The following CNGA3 variants were observed in gnomAD, a reference collection of about 807,000 sequenced individuals.
CNGA3 encodes the protein cyclic nucleotide gated channel subunit alpha 3, also known as cyclic nucleotide-gated channel alpha-3.
CNGA3 carries 42 observed loss-of-function variants against 46.6 expected under a neutral mutation model. That is an observed-to-expected ratio of 0.90 (90% CI 0.70 to 1.17). The LOEUF (loss-of-function observed/expected upper bound fraction) is 1.17. Among genes scored for constraint, CNGA3 ranks in the 50% most tolerant of loss-of-function variants. The pLI is 0.00. For missense variants in CNGA3, 893 were observed against 890.7 expected (o/e 1.00, Z -0.03); for synonymous variants, 394 against 369.4 (o/e 1.07, Z -0.76).
chr2:98,384,250 A>T (rs1020830268), intron 5 of CNGA3, among the ~76,000 whole-genome samples: 1 of 152,172 alleles, frequency 6.6e-6, no homozygotes, highest in Non-Finnish European at 1.5e-5. Context: ...GAGCAGTGGA[A>T]AAAGGCAATT....
rs186220724 is a variant in CNGA3, at chr2:98,372,146, C to T, written c.101+2070C>T. 1.9e-3 allele frequency among the ~76,000 whole-genome samples: 293 copies of T among 152,344 alleles called. 2 individuals carry two copies. The highest frequency in any genetic ancestry group is 5.2e-3 in the South Asian group (25 of 4,824). On this transcript the variant is annotated intron_variant, in intron 2 of 7. Coordinates refer to ENST00000272602, the MANE Select transcript of CNGA3 (RefSeq NM_001298.3). ...GGCAGTCCTGGTCTGCAGGCTGCTG[C>T]GGCTCCTGCCCACAATGTCTGCCTG... is the stretch of plus-strand genomic sequence containing the variant.
At chr2:98,358,456 C>A (rs1038016848) in intron 1 of CNGA3, among the ~76,000 whole-genome samples, 1 of 151,948 alleles carries the variant, frequency 6.6e-6, no homozygotes, top group Non-Finnish European at 1.5e-5. Context: ...GATGGAAGAA[C>A]AAAGAATCCC....
At chr2:98,390,914 G>A (rs1243506790) in intron 6 of CNGA3, among the ~76,000 whole-genome samples, 1 of 152,230 alleles carries the variant, frequency 6.6e-6, no homozygotes, top group African/African-American at 2.4e-5. Context: ...GGACTGGGAT[G>A]CATGCGAGAG....
At chr2:98,367,787 G>C (rs1692197193) in intron 1 of CNGA3, among the ~76,000 whole-genome samples, 1 of 152,072 alleles carries the variant, frequency 6.6e-6, no homozygotes, top group South Asian at 2.1e-4. Context: ...AGCTAGTTCA[G>C]GCAGTTGTTC....
At chr2:98,392,060 C>A in intron 7 of CNGA3, 90 bp downstream of exon 7, 2 of 1,180,106 alleles carry the variant, frequency 1.7e-6, no homozygotes, top group East Asian at 2.4e-5. Context: ...ATTACCTACC[C>A]TTGACCATGA....
chr2:98,361,299 A>G (rs1692027323), intron 1 of CNGA3, among the ~76,000 whole-genome samples: 1 of 152,024 alleles, frequency 6.6e-6, no homozygotes, highest in Non-Finnish European at 1.5e-5. Flanking sequence ...TCTGCTTCCG[A>G]GTTAGTTTGC....
chr2:98,391,109 C>T (rs1447816371), intron 6 of CNGA3, among the ~76,000 whole-genome samples: 3 of 152,172 alleles, frequency 2.0e-5, no homozygotes, highest in Admixed American at 6.5e-5. Flanking sequence ...TTATGCCGCA[C>T]GTCAGGGATG....
At chr2:98,395,257 C>T (rs1014231520) in intron 7 of CNGA3, among the ~76,000 whole-genome samples, 2 of 152,040 alleles carry the variant, frequency 1.3e-5, no homozygotes, top group Non-Finnish European at 2.9e-5. Context: ...GCACCCTCCA[C>T]CTCCTGGGTT....
chr2:98,392,552 TTC>T (rs1218992273), intron 7 of CNGA3, among the ~76,000 whole-genome samples: 4 of 149,386 alleles, frequency 2.7e-5, no homozygotes, highest in Non-Finnish European at 5.9e-5. Flanking sequence ...CATAGCAACA[TTC>T]TGTCTCAAAA....
chr2:98,380,412 C>T, intron 4 of CNGA3, 58 bp downstream of exon 4: 1 of 1,568,104 alleles, frequency 6.4e-7, no homozygotes, highest in Non-Finnish European at 8.7e-7. Context: ...GGCAGGAAGC[C>T]TGTGCTTTGC....
At chr2:98,383,531 C>T in intron 5 of CNGA3, 90 bp downstream of exon 5, 1 of 1,185,460 alleles carries the variant, frequency 8.4e-7, no homozygotes, top group Non-Finnish European at 1.3e-6. Flanking sequence ...CCTTAGTGCT[C>T]CTGCTCCCCA....
chr2:98,370,716 A>C (rs1692265545), intron 2 of CNGA3, among the ~76,000 whole-genome samples: 1 of 152,220 alleles, frequency 6.6e-6, no homozygotes, highest in Non-Finnish European at 1.5e-5. Context: ...CCATGCCTCA[A>C]TTTCTTCACA....
At chr2:98,393,842 G>A (rs1385171157) in intron 7 of CNGA3, among the ~76,000 whole-genome samples, 1 of 152,018 alleles carries the variant, frequency 6.6e-6, no homozygotes, top group Non-Finnish European at 1.5e-5. Flanking sequence ...TTAAAGAAGT[G>A]GGGAGGAGGC....
chr2:98,379,835 CA>C, intron 3 of CNGA3: 1 of 387,480 alleles, frequency 2.6e-6, no homozygotes, highest in Non-Finnish European at 4.8e-6. Context: ...CTCCATTGGG[CA>C]AAAGGAGTGA....
At position 98,389,694 on chromosome 2, in the gene CNGA3, CCCGT is replaced by C. The variant is rs910710420; in HGVS notation, c.489_492del (p.Ser164AlafsTer8). 1 of 1,613,870 alleles carries C rather than the reference CCCGT, an allele frequency of 6.2e-7. No homozygotes were observed. Among genetic ancestry groups the C allele is most frequent in the Non-Finnish European group, 8.5e-7 (1 of 1,180,042 alleles). On this transcript the variant is annotated frameshift_variant, in exon 6 of 8. Coordinates refer to ENST00000272602, the MANE Select transcript of CNGA3 (RefSeq NM_001298.3). LOFTEE classifies it high-confidence loss of function. ...AAAAGAAGGATGCGATCGTGGTGGA[CCCGT>C]CCAGCAACCTGTACTACCGCTGGCT... is the stretch of plus-strand genomic sequence containing the variant.
chr2:98,395,053 C>T (rs1692876425), intron 7 of CNGA3, among the ~76,000 whole-genome samples: 1 of 152,168 alleles, frequency 6.6e-6, no homozygotes, highest in South Asian at 2.1e-4. Context: ...ATCCTCAAAA[C>T]CCTCTTTGGA....
At position 98,397,034 on chromosome 2, in the gene CNGA3, G is replaced by A. The variant is rs868478353; in HGVS notation, c.1864G>A (p.Asp622Asn). Residue 622 changes from aspartate to asparagine, a missense_variant, in exon 8 of 8, where the codon GAC becomes AAC. Asp to Asn is a conservative substitution (Grantham distance 23, BLOSUM62 1). Coordinates refer to ENST00000272602, the MANE Select transcript of CNGA3 (RefSeq NM_001298.3). ...TGAGGAGCTGGCCAGGGCGGGCGCG[G>A]ACCCCAAGGACCTTGAGGAGAAAGT... ...IDEELARAGA[D>N]PKDLEEKVEQ... The A allele has an allele frequency of 1.2e-6, 2 of 1,614,048 alleles. No homozygotes were observed. The highest frequency in any genetic ancestry group is 1.3e-5 in the African/African-American group (1 of 75,048).
chr2:98,361,341 C>T lies in CNGA3; in HGVS notation c.-37-8598C>T, dbSNP rs1321813046. ...TAATGGCTTCCAGCTCCATCCATGT[C>T]CCTGCAAAGGACATGATCTCATTCC... On this transcript the variant is annotated intron_variant, in intron 1 of 7. Transcript: ENST00000272602. 3.3e-5 allele frequency among the ~76,000 whole-genome samples: 5 copies of T among 152,138 alleles called. No individual in the cohort carries two copies. In the South Asian group the frequency reaches 8.3e-4, roughly 25 times the overall value.
intron 1 of CNGA3, among the ~76,000 whole-genome samples, chr2:98,368,581 G>A (rs1272135451): frequency 6.6e-6 from 1 of 152,222 alleles, no homozygotes; most frequent in African/African-American, 2.4e-5. Context: ...TCTGGCACAA[G>A]TGTAACTGCC....
Sources: gnomAD v4.1 joint callset for allele counts (sites outside exome capture counted in the v4.1 genomes callset) on GRCh38, gnomAD v4.1.1 for gene constraint, MANE v1.5 for transcripts, NCBI Gene and HGNC (gene_info 2026-07-23, HGNC 2026-07-21) for gene names.